GIPC2: variants seen among roughly 807,000 people sequenced by gnomAD.
GIPC2 encodes PDZ domain-containing protein GIPC2.
A neutral mutation model predicts 30.6 loss-of-function variants in GIPC2; 30 were observed. The observed-to-expected ratio is 0.98, with a 90% CI of 0.73 to 1.33. The LOEUF is 1.33. Among genes scored for constraint, GIPC2 ranks in the 40% most tolerant of loss-of-function variants. The pLI is 0.00. For synonymous variants in GIPC2, 167 were observed against 150.0 expected, an observed-to-expected ratio of 1.11 and a Z score of -0.83; for missense variants, 414 against 390.3, an observed-to-expected ratio of 1.06 and a Z score of -0.51.
chr1:78,126,713 C>A (rs1477896204), intron 5 of GIPC2, among the ~76,000 whole-genome samples: 1 of 152,216 alleles, frequency 6.6e-6, no homozygotes, highest in African/African-American at 2.4e-5. Context: ...TATCCCCTGG[C>A]AGCTTCAGTC....
chr1:78,065,174 A>G (rs1328171584), intron 1 of GIPC2, among the ~76,000 whole-genome samples: 1 of 152,120 alleles, frequency 6.6e-6, no homozygotes, highest in Admixed American at 6.6e-5. Flanking sequence ...GGATCTCATT[A>G]TGTTGCCCAG....
intron 3 of GIPC2, among the ~76,000 whole-genome samples, chr1:78,116,620 C>T (rs1230798931): frequency 6.6e-6 from 1 of 152,012 alleles, no homozygotes; most frequent in Non-Finnish European, 1.5e-5. Flanking sequence ...GTTTTCTGTC[C>T]TTACGCTAGT....
intron 2 of GIPC2, chr1:78,094,705 AGTC>A: frequency 3.7e-6 from 1 of 269,460 alleles, no homozygotes; most frequent in Non-Finnish European, 7.0e-6. Context: ...TTGGTTGCTC[AGTC>A]TTCCATCTCT....
chr1:78,048,376 A>G (rs1661134106), intron 1 of GIPC2, among the ~76,000 whole-genome samples: 1 of 152,078 alleles, frequency 6.6e-6, no homozygotes, highest in Non-Finnish European at 1.5e-5. Context: ...AGCAAGTGGC[A>G]GAGCCTGGAT....
At chr1:78,070,720 T>C (rs189418870) in intron 1 of GIPC2, among the ~76,000 whole-genome samples, 4 of 152,290 alleles carry the variant, frequency 2.6e-5, no homozygotes, top group Admixed American at 2.6e-4. Flanking sequence ...GTAAAGAAAG[T>C]GTTCTTTTGG....
chr1:78,103,510 C>T (rs1662288330), intron 3 of GIPC2, among the ~76,000 whole-genome samples: 1 of 152,196 alleles, frequency 6.6e-6, no homozygotes, highest in African/African-American at 2.4e-5. Context: ...ACTTAATAAT[C>T]CTCATGCCAT....
intron 3 of GIPC2, among the ~76,000 whole-genome samples, chr1:78,103,646 G>C (rs1367440906): frequency 6.6e-6 from 1 of 152,180 alleles, no homozygotes; most frequent in African/African-American, 2.4e-5. Flanking sequence ...CTTGTGCTCT[G>C]AACATTATGT....
chr1:78,135,497 T>C (rs1187297966), intron 5 of GIPC2, 95 bp from the exon 6 acceptor site: 8 of 684,750 alleles, frequency 1.2e-5, no homozygotes, highest in Non-Finnish European at 2.0e-5. Context: ...TATTTATGCA[T>C]GTTACTTTTA....
chr1:78,082,283 T>C (rs943718393), intron 2 of GIPC2, among the ~76,000 whole-genome samples: 5 of 152,178 alleles, frequency 3.3e-5, no homozygotes, highest in Middle Eastern at 3.2e-3. Context: ...TAATGATAGA[T>C]TTCATGCAAC....
chr1:78,063,248 C>T (rs558227403), intron 1 of GIPC2, among the ~76,000 whole-genome samples: 1 of 152,100 alleles, frequency 6.6e-6, no homozygotes, highest in South Asian at 2.1e-4. Flanking sequence ...GCCTGTAATC[C>T]CAGCACTTTG....
At chr1:78,067,638 A>G (rs1026847893) in intron 1 of GIPC2, among the ~76,000 whole-genome samples, 1 of 152,064 alleles carries the variant, frequency 6.6e-6, no homozygotes, top group African/African-American at 2.4e-5. Flanking sequence ...TTATTAGTAG[A>G]GACAGGGTTT....
chr1:78,110,668 C>T (rs914200053), intron 3 of GIPC2, among the ~76,000 whole-genome samples: 2 of 152,196 alleles, frequency 1.3e-5, no homozygotes, highest in Admixed American at 6.5e-5. Context: ...CTCCATTCAT[C>T]GCTTTTGGAA....
At chr1:78,051,079 A>G (rs1661189278) in intron 1 of GIPC2, among the ~76,000 whole-genome samples, 1 of 152,092 alleles carries the variant, frequency 6.6e-6, no homozygotes, top group South Asian at 2.1e-4. Flanking sequence ...CTAATTCTCT[A>G]TTATGTGGAA....
intron 1 of GIPC2, among the ~76,000 whole-genome samples, chr1:78,076,822 G>C (rs1407059818): frequency 6.6e-6 from 1 of 152,132 alleles, no homozygotes; most frequent in African/African-American, 2.4e-5. Flanking sequence ...AGGCTGAGGT[G>C]CAGTGGTGCA....
At position 78,135,774 on chromosome 1, in the gene GIPC2, C is replaced by A. The variant is rs1399360671; in HGVS notation, c.*31C>A. 3.8e-6 allele frequency: 6 copies of A among 1,564,172 alleles called. No individual in the cohort carries two copies. In the South Asian group the frequency reaches 7.3e-5, roughly 19 times the overall value. On this transcript the variant is annotated 3_prime_UTR_variant, in exon 6 of 6. Coordinates refer to ENST00000370759, the MANE Select transcript of GIPC2 (RefSeq NM_017655.6). ...ACACTCCATCTCTGAAGAAACAACC[C>A]ATCGTTCTTTTTTTTCTCTTTTTTA...
At chr1:78,048,760 GT>G (rs1661143879) in intron 1 of GIPC2, among the ~76,000 whole-genome samples, 1 of 151,780 alleles carries the variant, frequency 6.6e-6, no homozygotes, top group African/African-American at 2.4e-5. Flanking sequence ...TGTTACCCAA[GT>G]TTTCCAGAGT....
At chr1:78,104,701 A>G (rs569609583) in intron 3 of GIPC2, among the ~76,000 whole-genome samples, 2 of 152,334 alleles carry the variant, frequency 1.3e-5, no homozygotes, top group African/African-American at 4.8e-5. Flanking sequence ...TGTCACTCCC[A>G]AGATTTCTAT....
chr1:78,137,320 G>C lies in GIPC2; in HGVS notation c.*1577G>C, dbSNP rs2100464874. The C allele has an allele frequency of 6.6e-6, 1 of 152,062 alleles. No homozygotes were observed. Among genetic ancestry groups the C allele is most frequent in the Non-Finnish European group, 1.5e-5 (1 of 67,958 alleles). 9.4% of individuals were successfully genotyped at this position (152,062 alleles called of 1,614,324 possible). A position where few individuals can be genotyped will look rare whatever the true frequency, so the allele number is the denominator to read the frequency against. ...TTAATTCTTAATATTACCTCTCTTGGAAAGACACAAAAAAAGAGCTGTTAT... is the reference window on the plus strand; with the variant it reads ...TTAATTCTTAATATTACCTCTCTTGCAAAGACACAAAAAAAGAGCTGTTAT... On this transcript the variant is annotated 3_prime_UTR_variant, in exon 6 of 6. Coordinates refer to ENST00000370759, the MANE Select transcript of GIPC2 (RefSeq NM_017655.6).
intron 1 of GIPC2, among the ~76,000 whole-genome samples, chr1:78,056,562 G>A (rs553775787): frequency 1.2e-4 from 19 of 152,126 alleles, no homozygotes; most frequent in African/African-American, 4.1e-4. Flanking sequence ...GCCCAGCTTC[G>A]ACAATTGTCA....
Sources: gnomAD v4.1 joint callset for allele counts (sites outside exome capture counted in the v4.1 genomes callset) on GRCh38, gnomAD v4.1.1 for gene constraint, MANE v1.5 for transcripts, NCBI Gene and HGNC (gene_info 2026-07-23, HGNC 2026-07-21) for gene names.